DNAAF11: variants seen among roughly 807,000 people sequenced by gnomAD.
DNAAF11 encodes the protein leucine rich repeat containing 6.
Under a neutral mutation model 60.8 loss-of-function variants are expected in DNAAF11, and 45 were observed. The ratio of observed to expected loss-of-function variants is 0.74; its 90% CI spans 0.58 to 0.95. DNAAF11 has a LOEUF of 0.95. Ranked by LOEUF, DNAAF11 falls within the 40% of genes least tolerant of loss-of-function variation. The pLI is 0.00. For missense variants in DNAAF11, 546 were observed against 546.2 expected (o/e 1.00, Z 0.00); for synonymous variants, 191 against 183.5 (o/e 1.04, Z -0.33).
chr8:132,587,668 C>A (rs535916634), intron 10 of DNAAF11, among the ~76,000 whole-genome samples: 1 of 152,270 alleles, frequency 6.6e-6, no homozygotes, highest in Admixed American at 6.5e-5. Context: ...CCAAAATATG[C>A]TTAGTAAATT....
intron 11 of DNAAF11, 80 bp from the exon 12 acceptor site, chr8:132,572,560 T>C (rs1814317160): frequency 9.4e-7 from 1 of 1,067,908 alleles, no homozygotes; most frequent in Non-Finnish European, 1.4e-6. Context: ...ACCCATCCAT[T>C]TATTCAGCAA....
At chr8:132,614,969 TA>T in intron 8 of DNAAF11, 68 bp downstream of exon 8, 2 of 1,035,128 alleles carry the variant, frequency 1.9e-6, no homozygotes, top group Non-Finnish European at 2.9e-6. Flanking sequence ...TTTTTCAAAC[TA>T]AAAAATTACT....
rs568812728 is a variant in DNAAF11 at position 132,626,048 on chromosome 8, C to T, written c.654-594G>A. On this transcript the variant is annotated intron_variant, in intron 5 of 11. Coordinates refer to ENST00000620350, the MANE Select transcript of DNAAF11 (RefSeq NM_012472.6). ...TCGCTTGTGGGACCTATGGCACCTTCTTTTTTTTCTTTTTTTTTTGAGACG... is the reference window on the plus strand; with the variant it reads ...TCGCTTGTGGGACCTATGGCACCTTTTTTTTTTTCTTTTTTTTTTGAGACG... Among the ~76,000 whole-genome samples the T allele has an allele frequency of 3.3e-5, 5 of 151,386 alleles. No individual in the cohort carries two copies. In the East Asian group the frequency reaches 9.7e-4, roughly 29 times the overall value.
chr8:132,684,318 T>C, the DNAAF11 span, among the ~76,000 whole-genome samples: 2 of 152,062 alleles, frequency 1.3e-5, no homozygotes, highest in Non-Finnish European at 2.9e-5. Context: ...TGGGATAGAG[T>C]CCACATTACT....
intron 1 of DNAAF11, among the ~76,000 whole-genome samples, chr8:132,661,835 A>C (rs567927107): frequency 6.6e-6 from 1 of 152,262 alleles, no homozygotes; most frequent in Admixed American, 6.5e-5. Flanking sequence ...GAGAAGAAGA[A>C]GACATGATGA....
At chr8:132,698,921 AAT>A in the DNAAF11 span, among the ~76,000 whole-genome samples, 19,758 of 143,002 alleles carry the variant, frequency 0.14, 3,982 homozygotes, top group African/African-American at 0.46. Context: ...TTCTACTTAA[AAT>A]ATATATATGT....
intron 7 of DNAAF11, among the ~76,000 whole-genome samples, chr8:132,619,739 T>C (rs1819567847): frequency 6.6e-6 from 1 of 152,126 alleles, no homozygotes; most frequent in Non-Finnish European, 1.5e-5. Flanking sequence ...GACAAAGATT[T>C]TTAGAATTTG....
chr8:132,664,505 C>G (rs1010496118), intron 1 of DNAAF11, among the ~76,000 whole-genome samples: 5 of 152,236 alleles, frequency 3.3e-5, no homozygotes, highest in Admixed American at 3.3e-4. Context: ...CGGTCTCACT[C>G]TGTCACCCAG....
intron 7 of DNAAF11, 70 bp from the exon 8 acceptor site, chr8:132,615,167 A>C (rs1055454831): frequency 7.0e-6 from 6 of 856,152 alleles, no homozygotes; most frequent in Non-Finnish European, 1.2e-5. Context: ...CCCATCATAA[A>C]TTCATAAGCA....
In DNAAF11 at chr8:132,577,056, C is replaced by T. The variant is rs79713996; in HGVS notation, c.1227-4576G>A. ...ATCATAAGAGTGAAACTTTCATTAA[C>T]TGAATGCACCGTGGATTAAGAAGCA... On this transcript the variant is annotated intron_variant, in intron 11 of 11. Transcript: ENST00000620350. Among the ~76,000 whole-genome samples the T allele has an allele frequency of 4.9e-3, 743 of 152,268 alleles. 12 individuals are homozygous for T. Among genetic ancestry groups the T allele is most frequent in the African/African-American group, 0.017 (714 of 41,544 alleles).
At chr8:132,677,433 T>TAAA (rs111512865), upstream of DNAAF11, among the ~76,000 whole-genome samples, 12 of 150,532 alleles carry the variant, frequency 8.0e-5, no homozygotes, top group African/African-American at 2.2e-4. Context: ...TAATAAAAAT[T>TAAA]AAAAAAAAAT....
At position 132,651,181 on chromosome 8, in the gene DNAAF11, C is replaced by T. The variant is rs569325839; in HGVS notation, c.256+5649G>A. Among the ~76,000 whole-genome samples the T allele has an allele frequency of 2.0e-5, 3 of 151,844 alleles. No individual in the cohort carries two copies. In the East Asian group the frequency reaches 5.8e-4, roughly 29 times the overall value. On this transcript the variant is annotated intron_variant, in intron 3 of 11. Coordinates refer to ENST00000620350, the MANE Select transcript of DNAAF11 (RefSeq NM_012472.6). ...CCAAAGGCGGGTGGGGGAGCTCATG[C>T]TATGGGAAATTCCACCTCTCCTTCC...
In DNAAF11 at chr8:132,632,849, T is replaced by A. The variant is rs768652184; in HGVS notation, c.544A>T (p.Lys182Ter). The A allele has an allele frequency of 6.2e-7, 1 of 1,613,768 alleles. No homozygotes were observed. The highest frequency in any genetic ancestry group is 8.5e-7 in the Non-Finnish European group (1 of 1,179,672). ...QEKDHCLKRA[K>*]LKEEAQRKHQ... ...TTCCTCTGAGCCTCTTCCTTGAGTT[T>A]GGCTCGTTTAAGACAGTGATCTTTT... Residue 182 changes from lysine to a stop codon, truncating the protein, a stop_gained, in exon 5 of 12, where the codon AAA (lysine) becomes TAA (stop). Transcript: ENST00000620350. LOFTEE classifies it high-confidence loss of function.
chr8:132,576,840 C>A (rs886535614), intron 11 of DNAAF11, among the ~76,000 whole-genome samples: 1 of 152,122 alleles, frequency 6.6e-6, no homozygotes, highest in Non-Finnish European at 1.5e-5. Flanking sequence ...TCACTGAGCC[C>A]CCGCATCCCT....
At chr8:132,585,833 C>G (rs1815834300) in intron 10 of DNAAF11, among the ~76,000 whole-genome samples, 1 of 152,096 alleles carries the variant, frequency 6.6e-6, no homozygotes. Context: ...TAATTTTTTG[C>G]TGACCAATGT....
At chr8:132,629,877 C>T (rs1414748916) in intron 5 of DNAAF11, among the ~76,000 whole-genome samples, 2 of 152,092 alleles carry the variant, frequency 1.3e-5, no homozygotes, top group Non-Finnish European at 2.9e-5. Flanking sequence ...ATCAGCAAAA[C>T]CAATTACATC....
intron 3 of DNAAF11, among the ~76,000 whole-genome samples, chr8:132,647,690 G>C (rs371105813): frequency 2.0e-5 from 3 of 152,108 alleles, no homozygotes; most frequent in Admixed American, 6.5e-5. Context: ...TATCACCACC[G>C]ATCCCACAGA....
At chr8:132,612,989 C>A (rs1034589050) in intron 8 of DNAAF11, among the ~76,000 whole-genome samples, 1 of 152,166 alleles carries the variant, frequency 6.6e-6, no homozygotes, top group African/African-American at 2.4e-5. Context: ...ATTCATTAAA[C>A]ACCAGACATA....
intron 1 of DNAAF11, among the ~76,000 whole-genome samples, chr8:132,674,138 G>A (rs1324385773): frequency 9.8e-5 from 13 of 132,158 alleles, no homozygotes; most frequent in African/African-American, 3.5e-4. Context: ...AGGAGGAGAA[G>A]GAGGAGGAAG....
Sources: gnomAD v4.1 joint callset for allele counts (sites outside exome capture counted in the v4.1 genomes callset) on GRCh38, gnomAD v4.1.1 for gene constraint, MANE v1.5 for transcripts, NCBI Gene and HGNC (gene_info 2026-07-23, HGNC 2026-07-21) for gene names.